Variants in ZYX observed in about 807,000 individuals in gnomAD.
ZYX encodes the protein zyxin-2.
ZYX carries 37 observed loss-of-function variants against 58.1 expected under a neutral mutation model. The ratio of observed to expected loss-of-function variants is 0.64; its 90% CI spans 0.49 to 0.84. The LOEUF is 0.84. ZYX is among the 40% of genes least tolerant of loss of function. The probability of loss-of-function intolerance (pLI) is 0.00; values close to 1 mark genes in which losing one functional copy is unlikely to be tolerated. For synonymous variants in ZYX, 324 were observed against 321.1 expected (o/e 1.01, Z -0.10); for missense variants, 762 against 761.6 (o/e 1.00, Z -0.01).
rs1314592174 is a variant in ZYX, at chr7:143,382,436, C to T, written c.397C>T (p.Pro133Ser). The T allele has an allele frequency of 6.3e-7, 1 of 1,592,354 alleles. No homozygotes were observed. The highest frequency in any genetic ancestry group is 2.2e-5 in the East Asian group (1 of 44,626). Residue 133 changes from proline (P) to serine (S), a missense_variant, in exon 3 of 10, where the codon CCC becomes TCC. Pro to Ser is a moderately conservative substitution (Grantham distance 74). Coordinates refer to ENST00000322764, the MANE Select transcript of ZYX (RefSeq NM_003461.5). ...EEGGPEAPIP[P>S]PPQPREKVSS... is the part of the protein sequence containing the mutation. ...GGGAGGGCCTGAGGCCCCCATACCG[C>T]CCCCACCACAGGTACGGAGGCCTGG...
Position 143,390,529 on chromosome 7 carries a change from A to T in ZYX, c.1615-49A>T. On this transcript the variant is annotated intron_variant, in intron 9 of 9. Transcript: ENST00000322764. This position sits in a 1 kb window ranked among gnomAD's most constrained non-coding sequence, Gnocchi z 4.3. ...TGGATGGGGTGGGGTAGGGTGGAGC[A>T]GAGCAGGGGCCTTCCGGTCCAGTGC... 1 of 1,383,094 alleles carries T rather than the reference A, an allele frequency of 7.2e-7. No homozygotes were observed. The highest frequency in any genetic ancestry group is 2.5e-5 in the East Asian group (1 of 40,156). The allele number at this position is 1,383,094 out of a possible 1,614,324, so 85.7% of individuals were successfully genotyped here. A position where few individuals can be genotyped will look rare whatever the true frequency, so the allele number is the denominator to read the frequency against.
Position 143,382,412 on chromosome 7 carries a change from G to A in ZYX, c.373G>A (p.Gly125Arg). 6.3e-7 allele frequency: 1 copy of A among 1,582,674 alleles called. No individual in the cohort carries two copies. Among genetic ancestry groups the A allele is most frequent in the Middle Eastern group, 1.7e-4 (1 of 5,844 alleles). ...CCCGCCGCCTCCTCCGGAGGAGGAGGGAGGGCCTGAGGCCCCCATACCGCC... is the reference window on the plus strand; with the variant it reads ...CCCGCCGCCTCCTCCGGAGGAGGAGAGAGGGCCTGAGGCCCCCATACCGCC... ...PSPPPPPEEE[G>R]GPEAPIPPPP... is the part of the protein sequence containing the mutation. Residue 125 changes from glycine to arginine, a missense_variant, in exon 3 of 10, where the codon GGA becomes AGA. Gly to Arg is a moderately radical substitution (Grantham distance 125). Transcript: ENST00000322764.
chr7:143,385,420 T>C (rs966700190), intron 5 of ZYX, among the ~76,000 whole-genome samples: 1 of 151,388 alleles, frequency 6.6e-6, no homozygotes, highest in African/African-American at 2.4e-5. Context: ...TATGTGCATG[T>C]GTGAGCATGA....
Position 143,390,930 on chromosome 7 carries a change from G to T in ZYX, c.*248G>T, listed in dbSNP as rs896181671. The stretch of plus-strand genomic sequence containing the variant: ...CCGTCTTCCAGACACCCCACCTGAG[G>T]GGGGCACCAGGTTTAGTGCTGCTGC... On this transcript the variant is annotated 3_prime_UTR_variant, in exon 10 of 10. Transcript: ENST00000322764. The surrounding 1 kb of genome is among the most constrained non-coding windows in gnomAD (Gnocchi z 4.3). The T allele has an allele frequency of 3.9e-6, 2 of 513,052 alleles. No individual in the cohort carries two copies. Among genetic ancestry groups the T allele is most frequent in the East Asian group, 3.4e-5 (1 of 29,210 alleles). 31.8% of individuals were successfully genotyped at this position (513,052 alleles called of 1,614,324 possible).
At position 143,388,338 on chromosome 7, in the gene ZYX, C is replaced by A. The variant is rs75145918; in HGVS notation, c.1143C>A (p.Asn381Lys). 1.9e-6 allele frequency: 3 copies of A among 1,613,590 alleles called. No individual in the cohort carries two copies. The highest frequency in any genetic ancestry group is 2.7e-5 in the African/African-American group (2 of 74,852). ...EHPQRQNVAV[N>K]ELCGRCHQPL... ...CTCAGAGGCAGAATGTGGCTGTCAA[C>A]GGTGAGCCCACCCCACCGGGACACC... The change falls in exon 6 of 10, where the codon AAC (asparagine) becomes AAA (lysine). Residue 381 changes from asparagine to lysine, a missense_variant and splice_region_variant. Asn to Lys is a moderately conservative substitution (Grantham distance 94). Coordinates refer to ENST00000322764, the MANE Select transcript of ZYX (RefSeq NM_003461.5). This position sits in a 1 kb window ranked among gnomAD's most constrained non-coding sequence, Gnocchi z 7.5.
In ZYX at chr7:143,388,024, C is replaced by T; in HGVS notation, c.1024-195C>T. 1 of 651,720 alleles carries T rather than the reference C, an allele frequency of 1.5e-6. No individual in the cohort carries two copies. Among genetic ancestry groups the T allele is most frequent in the Non-Finnish European group, 2.7e-6 (1 of 373,526 alleles). 40.4% of individuals were successfully genotyped at this position (651,720 alleles called of 1,614,324 possible). A position where few individuals can be genotyped will look rare whatever the true frequency, so the allele number is the denominator to read the frequency against. On this transcript the variant is annotated intron_variant, in intron 5 of 9. Transcript: ENST00000322764. The surrounding 1 kb of genome is among the most constrained non-coding windows in gnomAD (Gnocchi z 7.5). ...GCTGTACGAGATCCAGGCTTAGGTCCCTTCCCCTGTTATTTGTGTGGTGCT... is the reference window on the plus strand; with the variant it reads ...GCTGTACGAGATCCAGGCTTAGGTCTCTTCCCCTGTTATTTGTGTGGTGCT...
chr7:143,386,453 G>T (rs933026465), intron 5 of ZYX, among the ~76,000 whole-genome samples: 1 of 152,118 alleles, frequency 6.6e-6, no homozygotes, highest in Non-Finnish European at 1.5e-5. Context: ...TGGAACGGCT[G>T]CTGTGGGGAA....
Position 143,390,295 on chromosome 7 carries a change from T to G in ZYX, c.1615-283T>G. On this transcript the variant is annotated intron_variant, in intron 9 of 9. Coordinates refer to ENST00000322764, the MANE Select transcript of ZYX (RefSeq NM_003461.5). This position sits in a 1 kb window ranked among gnomAD's most constrained non-coding sequence, Gnocchi z 4.3. The stretch of plus-strand genomic sequence containing the variant: ...GGAGCTGAGAGAAGAGGTCTTCGAA[T>G]GGAGGTGAGCCAACCTCTATTTTAT... The G allele has an allele frequency of 3.6e-6, 2 of 551,384 alleles. No homozygotes were observed. The highest frequency in any genetic ancestry group is 6.5e-6 in the Non-Finnish European group (2 of 306,710). The allele number at this position is 551,384 out of a possible 1,614,324, so 34.2% of individuals were successfully genotyped here. A position where few individuals can be genotyped will look rare whatever the true frequency, so the allele number is the denominator to read the frequency against.
chr7:143,382,774 C>T, intron 4 of ZYX, 27 bp from the exon 5 acceptor site: 1 of 1,609,522 alleles, frequency 6.2e-7, no homozygotes, highest in Admixed American at 1.7e-5. Context: ...CTGACTGCAT[C>T]TCTCTTCCCT....
At position 143,389,051 on chromosome 7, in the gene ZYX, T is replaced by C; in HGVS notation, c.1493+106T>C. On this transcript the variant is annotated intron_variant, in intron 8 of 9. Transcript: ENST00000322764. The surrounding 1 kb of genome is among the most constrained non-coding windows in gnomAD (Gnocchi z 5.6). The stretch of plus-strand genomic sequence containing the variant: ...CAGCCCCAAACCCCTGGTGGTGTTT[T>C]CTGGTCCCATGTCCTGTCTGTAAAC... 7.6e-7 allele frequency: 1 copy of C among 1,320,402 alleles called. No homozygotes were observed. The highest frequency in any genetic ancestry group is 1.4e-5 in the South Asian group (1 of 72,204). The allele number at this position is 1,320,402 out of a possible 1,614,324, so 81.8% of individuals were successfully genotyped here.
In ZYX at chr7:143,382,865, C is replaced by T; in HGVS notation, c.566C>T (p.Pro189Leu). The change falls in exon 5 of 10, where the codon CCT (proline) becomes CTT (leucine). Residue 189 changes from proline to leucine, a missense_variant. Coordinates refer to ENST00000322764, the MANE Select transcript of ZYX (RefSeq NM_003461.5). The stretch of plus-strand genomic sequence containing the variant: ...TTCAGTTCCAAGTCCAGTACCAAGC[C>T]TGCAGCCGGGGGCACAGCACCCCTG... The part of the protein sequence containing the change: ...TPFSSKSSTK[P>L]AAGGTAPLPP... The T allele has an allele frequency of 6.2e-7, 1 of 1,612,496 alleles. No individual in the cohort carries two copies. The highest frequency in any genetic ancestry group is 1.1e-5 in the South Asian group (1 of 90,814).
In ZYX at chr7:143,383,184, A is replaced by C; in HGVS notation, c.885A>C (p.Lys295Asn). Residue 295 changes from lysine to asparagine, a missense_variant, in exon 5 of 10, where the codon AAA becomes AAC. By Grantham distance (94) the Lys-to-Asn change is moderately conservative. Transcript: ENST00000322764. ...GATCTGGGTCACAACCAAATCAAAA[A>C]TTGGGGCACCCCGAAGCTCTTTCTG... ...PGGSGSQPNQKLGHPEALSAG... is the reference protein window; with the variant it reads ...PGGSGSQPNQNLGHPEALSAG... 6.2e-7 allele frequency: 1 copy of C among 1,614,116 alleles called. No individual in the cohort carries two copies. The highest frequency in any genetic ancestry group is 1.6e-4 in the Middle Eastern group (1 of 6,062).
rs1419110737 is a variant in ZYX, at chr7:143,387,930, G to A, written c.1024-289G>A. On this transcript the variant is annotated intron_variant, in intron 5 of 9. Coordinates refer to ENST00000322764, the MANE Select transcript of ZYX (RefSeq NM_003461.5). This position sits in a 1 kb window ranked among gnomAD's most constrained non-coding sequence, Gnocchi z 5.8. ...CCGAGCTGCTGTGTGCGTGGCCTCC[G>A]TCCGCCCAGTCATTCTGGCCTGTCT... The A allele has an allele frequency of 1.3e-5, 7 of 535,168 alleles. No homozygotes were observed. The highest frequency in any genetic ancestry group is 6.3e-5 in the South Asian group (4 of 63,872). 33.2% of individuals were successfully genotyped at this position (535,168 alleles called of 1,614,324 possible). A position where few individuals can be genotyped will look rare whatever the true frequency, so the allele number is the denominator to read the frequency against.
Position 143,390,708 on chromosome 7 carries a change from C to T in ZYX, c.*26C>T. The T allele has an allele frequency of 4.6e-6, 7 of 1,523,360 alleles. No individual in the cohort carries two copies. Among genetic ancestry groups the T allele is most frequent in the Non-Finnish European group, 6.2e-6 (7 of 1,120,502 alleles). 94.4% of individuals were successfully genotyped at this position (1,523,360 alleles called of 1,614,324 possible). ...GTGAGGACAGGCCCTCTTCAGACCGCAGTCCATGCCCCATTGTGGACCACC... is the reference window on the plus strand; with the variant it reads ...GTGAGGACAGGCCCTCTTCAGACCGTAGTCCATGCCCCATTGTGGACCACC... On this transcript the variant is annotated 3_prime_UTR_variant, in exon 10 of 10. Transcript: ENST00000322764. This position sits in a 1 kb window ranked among gnomAD's most constrained non-coding sequence, Gnocchi z 4.3.
At chr7:143,385,490 A>C (rs923362076) in intron 5 of ZYX, among the ~76,000 whole-genome samples, 1 of 150,766 alleles carries the variant, frequency 6.6e-6, no homozygotes, top group Non-Finnish European at 1.5e-5. Context: ...GTATATGAGT[A>C]CATGTGTGCA....
At chr7:143,386,276 C>A (rs190277418) in intron 5 of ZYX, among the ~76,000 whole-genome samples, 5 of 151,904 alleles carry the variant, frequency 3.3e-5, no homozygotes, top group Non-Finnish European at 7.4e-5. Flanking sequence ...ATGTCTCCTC[C>A]CCCAGAGGCA....
At position 143,388,386 on chromosome 7, in the gene ZYX, G is replaced by C. The variant is rs1356071458; in HGVS notation, c.1144+47G>C. 3 of 1,611,694 alleles carry C rather than the reference G, an allele frequency of 1.9e-6. No homozygotes were observed. Among genetic ancestry groups the C allele is most frequent in the Non-Finnish European group, 2.5e-6 (3 of 1,178,570 alleles). On this transcript the variant is annotated intron_variant, in intron 6 of 9. Transcript: ENST00000322764. This position sits in a 1 kb window ranked among gnomAD's most constrained non-coding sequence, Gnocchi z 7.5. Reference sequence around the variant, plus strand: ...ACCCCCACCCTGCCCCCACATCACGGTGGGGGCCAGGGCTGTGGCTCCACT... The same window carrying C: ...ACCCCCACCCTGCCCCCACATCACGCTGGGGGCCAGGGCTGTGGCTCCACT...
intron 5 of ZYX, 147 bp downstream of exon 5, chr7:143,383,469 G>A: frequency 9.0e-7 from 1 of 1,107,924 alleles, no homozygotes. Flanking sequence ...CATCCTCTGG[G>A]GTTAGCCTGG....
rs1480972580 is a variant in ZYX at position 143,390,297 on chromosome 7, G to A, written c.1615-281G>A. The A allele has an allele frequency of 1.8e-6, 1 of 553,542 alleles. No individual in the cohort carries two copies. Among genetic ancestry groups the A allele is most frequent in the African/African-American group, 1.9e-5 (1 of 53,008 alleles). 34.3% of individuals were successfully genotyped at this position (553,542 alleles called of 1,614,324 possible). On this transcript the variant is annotated intron_variant, in intron 9 of 9. Transcript: ENST00000322764. The surrounding 1 kb of genome is among the most constrained non-coding windows in gnomAD (Gnocchi z 4.3). ...AGCTGAGAGAAGAGGTCTTCGAATG[G>A]AGGTGAGCCAACCTCTATTTTATTA...
Sources: gnomAD v4.1 joint callset for allele counts (sites outside exome capture counted in the v4.1 genomes callset) on GRCh38, gnomAD v4.1.1 for gene constraint, Gnocchi (gnomAD v3.1) non-coding constraint, MANE v1.5 for transcripts, NCBI Gene and HGNC (gene_info 2026-07-23, HGNC 2026-07-21) for gene names.